The following GALNT16 variants were observed in gnomAD, a reference collection of about 807,000 sequenced individuals.
GALNT16 encodes the protein UDP-GalNAc:polypeptide N-acetylgalactosaminyltransferase-like protein 1.
GALNT16 carries 40 observed loss-of-function variants against 76.1 expected under a neutral mutation model. That is an observed-to-expected ratio of 0.53 (90% CI 0.41 to 0.68). The LOEUF (loss-of-function observed/expected upper bound fraction) is 0.68. GALNT16 is among the 30% of genes least tolerant of loss of function. GALNT16 has a pLI of 0.00. For synonymous variants in GALNT16, 276 were observed against 285.2 expected, an observed-to-expected ratio of 0.97 and a Z score of 0.32; for missense variants, 621 against 731.9, an observed-to-expected ratio of 0.85 and a Z score of 1.75.
chr14:69,341,869 C>T (rs185407349), intron 12 of GALNT16, 105 bp downstream of exon 12: 2 of 718,916 alleles, frequency 2.8e-6, no homozygotes, highest in East Asian at 5.4e-5. Flanking sequence ...CACTGGTGAT[C>T]TGGCTTTCTA....
At position 69,260,451 on chromosome 14, in the gene GALNT16, G is replaced by C. The variant is rs140785600; in HGVS notation, c.161G>C (p.Arg54Pro). 6.5e-7 allele frequency: 1 copy of C among 1,548,868 alleles called. No individual in the cohort carries two copies. Among genetic ancestry groups the C allele is most frequent in the Non-Finnish European group, 8.7e-7 (1 of 1,147,674 alleles). The change falls in exon 1 of 15, where the codon CGC becomes CCC. Residue 54 changes from arginine (R) to proline (P), a missense_variant. By Grantham distance (103) the Arg-to-Pro change is moderately radical. Coordinates refer to ENST00000448469, the MANE Select transcript of GALNT16 (RefSeq NM_001168368.2). ...GRRSEQLRED[R>P]TIPLIVTGTP... ...AGGTCGGAGCAGCTCCGCGAGGACC[G>C]CACCATCCCGCTCATTGTGAGTACG...
At chr14:69,271,448 G>A (rs902749294) in intron 1 of GALNT16, among the ~76,000 whole-genome samples, 1 of 152,332 alleles carries the variant, frequency 6.6e-6, no homozygotes, top group African/African-American at 2.4e-5. Context: ...AGAGTGCTCA[G>A]AGGAGCCGGC....
chr14:69,265,428 A>G (rs1226989298), intron 1 of GALNT16, among the ~76,000 whole-genome samples: 1 of 152,188 alleles, frequency 6.6e-6, no homozygotes, highest in Non-Finnish European at 1.5e-5. Flanking sequence ...TCCTTGCTGC[A>G]GGCAGAGGAA....
intron 3 of GALNT16, 132 bp downstream of exon 3, chr14:69,324,922 A>C: frequency 1.7e-6 from 1 of 593,046 alleles, no homozygotes; most frequent in Non-Finnish European, 3.0e-6. Context: ...AGAGGCTGAG[A>C]CTGGTGAATC....
At chr14:69,311,763 C>T (rs2045023882) in intron 1 of GALNT16, among the ~76,000 whole-genome samples, 1 of 152,212 alleles carries the variant, frequency 6.6e-6, no homozygotes, top group Non-Finnish European at 1.5e-5. Context: ...CAATCAAAGG[C>T]TTGCTGAGTT....
intron 1 of GALNT16, among the ~76,000 whole-genome samples, chr14:69,264,808 TC>T (rs1296327309): frequency 4.2e-5 from 4 of 96,222 alleles, no homozygotes; most frequent in East Asian, 8.8e-4. Flanking sequence ...TTTTCTCTTT[TC>T]TTTTTCTTTC....
chr14:69,371,879 G>A, the GALNT16 span, among the ~76,000 whole-genome samples: 3 of 152,134 alleles, frequency 2.0e-5, no homozygotes, highest in Middle Eastern at 3.4e-3. Flanking sequence ...GGGAGGTGGA[G>A]GTTGCAGTGA....
intron 14 of GALNT16, chr14:69,348,246 G>A (rs756911152): frequency 3.0e-5 from 18 of 595,800 alleles, no homozygotes; most frequent in Non-Finnish European, 5.1e-5. Context: ...TGAAGGCAGG[G>A]ACCACTTGTC....
chr14:69,272,698 A>G (rs2044421243), intron 1 of GALNT16, among the ~76,000 whole-genome samples: 1 of 152,156 alleles, frequency 6.6e-6, no homozygotes, highest in Middle Eastern at 3.2e-3. Flanking sequence ...AGCTCCATTC[A>G]TGGTATGTGC....
chr14:69,323,595 C>A (rs562907968), intron 2 of GALNT16, among the ~76,000 whole-genome samples: 4 of 152,290 alleles, frequency 2.6e-5, no homozygotes, highest in African/African-American at 9.6e-5. Context: ...CTCACTCCCT[C>A]CCCCACAATT....
At chr14:69,374,139 T>C in the GALNT16 span, among the ~76,000 whole-genome samples, 1 of 152,172 alleles carries the variant, frequency 6.6e-6, no homozygotes, top group African/African-American at 2.4e-5. Context: ...TTTCAACTTC[T>C]CCATCTTTCA....
At chr14:69,322,925 G>GGGTGTGTGTGT (rs797021875) in intron 2 of GALNT16, among the ~76,000 whole-genome samples, 3 of 103,858 alleles carry the variant, frequency 2.9e-5, no homozygotes, top group Non-Finnish European at 1.8e-5. Flanking sequence ...TGGCTCACGG[G>GGGTGTGTGTGT]GTGTGTGTGT....
At chr14:69,273,398 G>A (rs2044430909) in intron 1 of GALNT16, among the ~76,000 whole-genome samples, 2 of 152,210 alleles carry the variant, frequency 1.3e-5, no homozygotes, top group Admixed American at 6.5e-5. Flanking sequence ...TTGTGGAAGT[G>A]GCAGCCTGGA....
chr14:69,373,716 CTTTTT>C, the GALNT16 span, among the ~76,000 whole-genome samples: 1 of 151,840 alleles, frequency 6.6e-6, no homozygotes, highest in Non-Finnish European at 1.5e-5. Flanking sequence ...TTTTTCTTTT[CTTTTT>C]TCTTTCTCTT....
chr14:69,362,021 A>C (rs1286895748), downstream of GALNT16, among the ~76,000 whole-genome samples: 3 of 152,136 alleles, frequency 2.0e-5, no homozygotes, highest in Admixed American at 6.6e-5. Flanking sequence ...TAAATAAATA[A>C]ATAATAAAGT....
chr14:69,270,481 T>C (rs986222135), intron 1 of GALNT16, among the ~76,000 whole-genome samples: 2 of 152,200 alleles, frequency 1.3e-5, no homozygotes, highest in African/African-American at 4.8e-5. Context: ...ATGCTTCTTG[T>C]CAAAGTTCAG....
intron 1 of GALNT16, among the ~76,000 whole-genome samples, chr14:69,290,871 G>A (rs1394903144): frequency 1.3e-5 from 2 of 152,210 alleles, no homozygotes; most frequent in East Asian, 3.8e-4. Context: ...TGTGTTAGAG[G>A]AAGGTAACGT....
chr14:69,377,760 T>C, the GALNT16 span, among the ~76,000 whole-genome samples: 10 of 124,270 alleles, frequency 8.0e-5, no homozygotes, highest in African/African-American at 3.2e-4. Flanking sequence ...TGAGGCATGA[T>C]TGCACCACTG....
chr14:69,380,728 C>T, the GALNT16 span: 10 of 711,152 alleles, frequency 1.4e-5, no homozygotes, highest in African/African-American at 1.1e-4. Flanking sequence ...CCAATGATGG[C>T]ATAGATGTGC....
Sources: gnomAD v4.1 joint callset for allele counts (sites outside exome capture counted in the v4.1 genomes callset) on GRCh38, gnomAD v4.1.1 for gene constraint, MANE v1.5 for transcripts, NCBI Gene and HGNC (gene_info 2026-07-23, HGNC 2026-07-21) for gene names.